Variants in FSTL5 observed in about 807,000 individuals in gnomAD.
FSTL5 encodes the protein follistatin like 5.
Under a neutral mutation model 89.1 loss-of-function variants are expected in FSTL5, and 62 were observed. The ratio of observed to expected loss-of-function variants is 0.70; its 90% CI spans 0.57 to 0.86. FSTL5 has a LOEUF of 0.86. FSTL5 is among the 40% of genes least tolerant of loss of function. The probability of loss-of-function intolerance (pLI) is 0.00; values close to 1 mark genes in which losing one functional copy is unlikely to be tolerated. For synonymous variants in FSTL5, 383 were observed against 346.2 expected, an observed-to-expected ratio of 1.11 and a Z score of -1.18; for missense variants, 1,057 against 1,001.6, an observed-to-expected ratio of 1.06 and a Z score of -0.75.
At chr4:161,482,464 G>T (rs1484195243) in intron 12 of FSTL5, among the ~76,000 whole-genome samples, 1 of 152,046 alleles carries the variant, frequency 6.6e-6, no homozygotes, top group Non-Finnish European at 1.5e-5. Context: ...TTATCTCTAA[G>T]CTAATTTAGA....
chr4:161,809,036 G>A (rs958485530), intron 4 of FSTL5, among the ~76,000 whole-genome samples: 3 of 152,144 alleles, frequency 2.0e-5, no homozygotes, highest in Non-Finnish European at 4.4e-5. Flanking sequence ...GGCTAACACA[G>A]TGAAACCCCG....
At chr4:161,728,143 G>A (rs1360486680) in intron 6 of FSTL5, among the ~76,000 whole-genome samples, 1 of 152,096 alleles carries the variant, frequency 6.6e-6, no homozygotes, top group African/African-American at 2.4e-5. Flanking sequence ...GGAGTAATAC[G>A]GATCCATGGA....
At chr4:161,740,804 A>G (rs1411027970) in intron 6 of FSTL5, among the ~76,000 whole-genome samples, 2 of 152,194 alleles carry the variant, frequency 1.3e-5, no homozygotes, top group Non-Finnish European at 2.9e-5. Context: ...CTGCGGTAAC[A>G]ACACACCATA....
At chr4:161,621,118 G>C (rs771822227) in intron 7 of FSTL5, among the ~76,000 whole-genome samples, 1 of 152,124 alleles carries the variant, frequency 6.6e-6, no homozygotes, top group African/African-American at 2.4e-5. Flanking sequence ...AAGATGTACC[G>C]TATGGAGGCC....
Position 161,410,941 on chromosome 4 carries a change from G to T in FSTL5, c.1842-24492C>A, listed in dbSNP as rs572297532. On this transcript the variant is annotated intron_variant, in intron 15 of 15. Transcript: ENST00000306100. ...ATATGAAAGATTAATGAAACCAAGG[G>T]TTGGTTGTTCAAAAAAAAAAAAATA... Among the ~76,000 whole-genome samples the T allele has an allele frequency of 2.6e-5, 3 of 115,998 alleles. No individual in the cohort carries two copies. In the South Asian group the frequency reaches 9.0e-4, roughly 35 times the overall value. 76.1% of individuals were successfully genotyped at this position (115,998 alleles called of 152,430 possible).
At chr4:161,554,495 G>GT (rs1225637127) in intron 8 of FSTL5, among the ~76,000 whole-genome samples, 1 of 151,570 alleles carries the variant, frequency 6.6e-6, no homozygotes, top group Non-Finnish European at 1.5e-5. Flanking sequence ...TTGCCGCAGA[G>GT]TATGGAGACA....
At chr4:161,941,420 A>G (rs1734582940) in intron 3 of FSTL5, among the ~76,000 whole-genome samples, 1 of 151,834 alleles carries the variant, frequency 6.6e-6, no homozygotes, top group Non-Finnish European at 1.5e-5. Context: ...AGGTTGAAGT[A>G]AAAAATCAGC....
intron 10 of FSTL5, among the ~76,000 whole-genome samples, chr4:161,517,917 T>TA (rs1349636241): frequency 1.3e-5 from 2 of 152,166 alleles, no homozygotes; most frequent in African/African-American, 4.8e-5. Context: ...AACCTTAAAA[T>TA]AAAAAATGTG....
intron 10 of FSTL5, among the ~76,000 whole-genome samples, chr4:161,532,039 C>G (rs1475778001): frequency 6.6e-6 from 1 of 151,674 alleles, no homozygotes; most frequent in Non-Finnish European, 1.5e-5. Flanking sequence ...CCCGTCTCTA[C>G]TAAAAATACA....
rs192437155 is a variant in FSTL5, at chr4:161,896,533, T to C, written c.409+23871A>G. Among the ~76,000 whole-genome samples, 333 of 152,290 alleles carry C rather than the reference T, an allele frequency of 2.2e-3. 1 individual carries two copies. The highest frequency in any genetic ancestry group is 7.6e-3 in the African/African-American group (314 of 41,572). On this transcript the variant is annotated intron_variant, in intron 4 of 15. Transcript: ENST00000306100. ...AATGGAACTGAGGAAAGTTCATGTC[T>C]TCAGTTTTGTTTTTATATACTATTC...
intron 3 of FSTL5, among the ~76,000 whole-genome samples, chr4:161,973,834 G>A (rs555396100): frequency 6.6e-6 from 1 of 152,094 alleles, no homozygotes. Context: ...ATCTCCCGAC[G>A]ACATGATTGT....
chr4:161,717,239 T>C (rs765745730), intron 6 of FSTL5, among the ~76,000 whole-genome samples: 21 of 152,344 alleles, frequency 1.4e-4, no homozygotes, highest in Admixed American at 9.2e-4. Flanking sequence ...CTATTTTCTT[T>C]AGAGATTTTA....
intron 4 of FSTL5, among the ~76,000 whole-genome samples, chr4:161,838,474 C>A (rs359122): frequency 1.3e-5 from 2 of 151,924 alleles, no homozygotes; most frequent in African/African-American, 4.8e-5. Flanking sequence ...TTAATAGAGA[C>A]GGGATTTCAC....
At chr4:161,779,549 C>CTAAG in intron 4 of FSTL5, among the ~76,000 whole-genome samples, 1 of 151,416 alleles carries the variant, frequency 6.6e-6, no homozygotes, top group African/African-American at 2.4e-5. Context: ...AGATGAGGAA[C>CTAAG]TAAGGCACAG....
intron 2 of FSTL5, among the ~76,000 whole-genome samples, chr4:162,102,274 G>A (rs1731026025): frequency 6.6e-6 from 1 of 151,728 alleles, no homozygotes; most frequent in East Asian, 1.9e-4. Context: ...TCTATAAAAG[G>A]ATCACTGACT....
rs570654347 is a variant in FSTL5, at chr4:161,977,522, A to C, written c.160+56103T>G. Among the ~76,000 whole-genome samples, 10 of 150,810 alleles carry C rather than the reference A, an allele frequency of 6.6e-5. No individual in the cohort carries two copies. The East Asian group carries it at 1.8e-3, about 27-fold the overall frequency. On this transcript the variant is annotated intron_variant, in intron 3 of 15. Transcript: ENST00000306100. Reference sequence around the variant, plus strand: ...CAGCTACTCGGGAGGCTGAGGCAGAAGAATGGCGTGTACATGGAAGGCGGA... The same window carrying C: ...CAGCTACTCGGGAGGCTGAGGCAGACGAATGGCGTGTACATGGAAGGCGGA...
intron 13 of FSTL5, among the ~76,000 whole-genome samples, chr4:161,476,775 A>G (rs1734165893): frequency 6.6e-6 from 1 of 152,202 alleles, no homozygotes; most frequent in South Asian, 2.1e-4. Context: ...TTGCCAAAGG[A>G]AGAGGAGCTT....
intron 4 of FSTL5, among the ~76,000 whole-genome samples, chr4:161,897,603 A>T (rs921403564): frequency 5.0e-4 from 76 of 151,306 alleles, no homozygotes; most frequent in Admixed American, 3.9e-3. Flanking sequence ...AAGAAAAAAA[A>T]TATATATATG....
chr4:162,005,831 C>G (rs1029531498), intron 3 of FSTL5, among the ~76,000 whole-genome samples: 1 of 152,064 alleles, frequency 6.6e-6, no homozygotes, highest in African/African-American at 2.4e-5. Context: ...CAGGAACTTT[C>G]CAAGGAAATA....
Sources: allele counts gnomAD v4.1 joint callset (sites outside exome capture counted in the v4.1 genomes callset), GRCh38; gene constraint gnomAD v4.1.1; transcripts MANE v1.5; gene names NCBI Gene and HGNC (gene_info 2026-07-23, HGNC 2026-07-21).